Variants in SLIT3 observed in about 807,000 individuals in gnomAD.
SLIT3 encodes the protein slit homolog 3 protein.
In SLIT3, 68 loss-of-function variants were observed where a neutral mutation model predicts 184.0. The ratio of observed to expected loss-of-function variants is 0.37; its 90% CI spans 0.30 to 0.45. The LOEUF (loss-of-function observed/expected upper bound fraction) is 0.45, where lower values mean the gene tolerates loss of function less well. SLIT3 is among the 20% of genes least tolerant of loss of function. SLIT3 has a pLI of 1.00. For missense variants in SLIT3, 1,707 were observed against 2,026.0 expected (o/e 0.84, Z 3.02); for synonymous variants, 831 against 828.6 (o/e 1.00, Z -0.05).
intron 5 of SLIT3, among the ~76,000 whole-genome samples, chr5:168,876,577 C>T (rs565309891): frequency 4.1e-4 from 62 of 152,332 alleles, no homozygotes; most frequent in African/African-American, 1.4e-3. Context: ...GCTGTTCCTT[C>T]TTCCTGCAAT....
intron 4 of SLIT3, among the ~76,000 whole-genome samples, chr5:169,001,892 T>C (rs192416241): frequency 6.6e-6 from 1 of 152,094 alleles, no homozygotes; most frequent in East Asian, 1.9e-4. Flanking sequence ...ACATACAGAA[T>C]TGCAGGGCAG....
Position 168,772,895 on chromosome 5 carries a change from C to A in SLIT3, c.1345G>T (p.Ala449Ser). The A allele has an allele frequency of 3.1e-6, 5 of 1,613,128 alleles. No homozygotes were observed. Among genetic ancestry groups the A allele is most frequent in the Non-Finnish European group, 4.2e-6 (5 of 1,179,532 alleles). Reference protein sequence around the residue: ...FVCDCHLKWLADYLQDNPIET... With the variant: ...FVCDCHLKWLSDYLQDNPIET... ...ATGGGGTTGTCCTGGAGGTAGTCGG[C>A]CAGCCACTTCAAGTGGCAGTCGCAC... Residue 449 changes from alanine to serine, a missense_variant, in exon 14 of 36, where the codon GCC becomes TCC. Coordinates refer to ENST00000519560, the MANE Select transcript of SLIT3 (RefSeq NM_003062.4).
rs761346841 is a variant in SLIT3 at position 168,712,259 on chromosome 5, T to C, written c.2555+24A>G. 9.4e-6 allele frequency: 15 copies of C among 1,598,118 alleles called. No homozygotes were observed. In the Middle Eastern group the frequency reaches 1.0e-3, roughly 106 times the overall value. On this transcript the variant is annotated intron_variant, in intron 24 of 35. Coordinates refer to ENST00000519560, the MANE Select transcript of SLIT3 (RefSeq NM_003062.4). ...CATGCTTTCATGTTTTGAATGTTCATTGGGGAGAAACACTGCTACTTACAG... is the reference window on the plus strand; with the variant it reads ...CATGCTTTCATGTTTTGAATGTTCACTGGGGAGAAACACTGCTACTTACAG...
At chr5:168,760,775 G>A (rs1004266580) in intron 16 of SLIT3, 87 bp downstream of exon 16, 14 of 960,990 alleles carry the variant, frequency 1.5e-5, no homozygotes, top group African/African-American at 4.8e-5. Context: ...GGCTGGGGGA[G>A]AGGCCGGTCC....
chr5:169,177,220 G>A (rs1457157554), intron 4 of SLIT3, among the ~76,000 whole-genome samples: 2 of 152,190 alleles, frequency 1.3e-5, no homozygotes, highest in Admixed American at 1.3e-4. Flanking sequence ...CAGACGGCCA[G>A]GAGCCAGAAG....
rs1178983400 is a variant in SLIT3, at chr5:168,708,183, C to A, written c.2720-83G>T. 2.5e-6 allele frequency: 4 copies of A among 1,592,720 alleles called. No homozygotes were observed. The African/African-American group carries it at 5.4e-5, about 21-fold the overall frequency. On this transcript the variant is annotated intron_variant, in intron 25 of 35. Coordinates refer to ENST00000519560, the MANE Select transcript of SLIT3 (RefSeq NM_003062.4). The stretch of plus-strand genomic sequence containing the variant: ...TCCCTTCCCCTCTGCTCTGGGCCCT[C>A]CCTCAGCCAGCGCCAGCCCCTTCCC...
chr5:168,821,401 G>C (rs969037443), intron 7 of SLIT3, among the ~76,000 whole-genome samples: 2 of 152,216 alleles, frequency 1.3e-5, no homozygotes, highest in Admixed American at 6.5e-5. Context: ...CAACCCACAT[G>C]TCTGGGGTAA....
At chr5:169,175,930 A>G (rs1762969437) in intron 4 of SLIT3, among the ~76,000 whole-genome samples, 1 of 152,228 alleles carries the variant, frequency 6.6e-6, no homozygotes, top group Non-Finnish European at 1.5e-5. Context: ...TAAGGAAGCC[A>G]TATGGACCTT....
Position 169,015,962 on chromosome 5 carries a change from A to C in SLIT3, c.414-132626T>G, listed in dbSNP as rs1201834840. Reference sequence around the variant, plus strand: ...CACACACACACACACACACACACACACACACACACACACACACACACACAA... The same window carrying C: ...CACACACACACACACACACACACACCCACACACACACACACACACACACAA... On this transcript the variant is annotated intron_variant, in intron 4 of 35. Coordinates refer to ENST00000519560, the MANE Select transcript of SLIT3 (RefSeq NM_003062.4). 1.3e-4 allele frequency among the ~76,000 whole-genome samples: 18 copies of C among 140,010 alleles called. No individual in the cohort carries two copies. In the East Asian group the frequency reaches 1.4e-3, roughly 11 times the overall value. 91.9% of individuals were successfully genotyped at this position (140,010 alleles called of 152,430 possible).
chr5:168,952,528 CA>C lies in SLIT3; in HGVS notation c.414-69193del, dbSNP rs372134778. ...AATCTCAGAGAAGAAGGGAAAATGC[CA>C]AAAAAAAAAAAAAAAAAAAGAGGGG... On this transcript the variant is annotated intron_variant, in intron 4 of 35. Coordinates refer to ENST00000519560, the MANE Select transcript of SLIT3 (RefSeq NM_003062.4). Among the ~76,000 whole-genome samples the C allele has an allele frequency of 9.2e-3, 720 of 77,894 alleles. 6 individuals are homozygous for C. The highest frequency in any genetic ancestry group is 0.034 in the South Asian group (74 of 2,164). 51.1% of individuals were successfully genotyped at this position (77,894 alleles called of 152,430 possible).
intron 4 of SLIT3, among the ~76,000 whole-genome samples, chr5:169,070,850 A>C (rs947084578): frequency 6.6e-6 from 1 of 152,112 alleles, no homozygotes; most frequent in Non-Finnish European, 1.5e-5. Flanking sequence ...CAAAAGCCTG[A>C]AGCCCTAACT....
chr5:169,150,532 C>CAA (rs1762080466), intron 4 of SLIT3, among the ~76,000 whole-genome samples: 1 of 151,584 alleles, frequency 6.6e-6, no homozygotes, highest in African/African-American at 2.4e-5. Context: ...CACACACACA[C>CAA]ACACACACAC....
chr5:169,261,756 G>C (rs922523928), intron 1 of SLIT3, among the ~76,000 whole-genome samples: 1 of 152,214 alleles, frequency 6.6e-6, no homozygotes, highest in Non-Finnish European at 1.5e-5. Flanking sequence ...CTCTCCTTGA[G>C]TGGGCAGAAC....
At chr5:168,884,054 C>T (rs1243805880) in intron 4 of SLIT3, among the ~76,000 whole-genome samples, 1 of 151,670 alleles carries the variant, frequency 6.6e-6, no homozygotes, top group Admixed American at 6.6e-5. Context: ...TGTCCCCAGA[C>T]TGTAAGCATT....
At chr5:168,973,060 A>G (rs953109129) in intron 4 of SLIT3, among the ~76,000 whole-genome samples, 1 of 152,164 alleles carries the variant, frequency 6.6e-6, no homozygotes, top group Non-Finnish European at 1.5e-5. Context: ...TCAGTATGTT[A>G]AGCTCCAGCT....
At chr5:169,163,428 C>A (rs1304158770) in intron 4 of SLIT3, among the ~76,000 whole-genome samples, 2 of 152,164 alleles carry the variant, frequency 1.3e-5, no homozygotes, top group African/African-American at 4.8e-5. Context: ...ACTGGGAAAT[C>A]CAAGTTGCAC....
At chr5:169,179,431 T>C (rs981521534) in intron 4 of SLIT3, among the ~76,000 whole-genome samples, 1 of 152,196 alleles carries the variant, frequency 6.6e-6, no homozygotes, top group Non-Finnish European at 1.5e-5. Flanking sequence ...GGCCTAGAGA[T>C]GAAGCCAACA....
At chr5:168,799,991 G>T (rs1393328156) in intron 9 of SLIT3, among the ~76,000 whole-genome samples, 1 of 152,060 alleles carries the variant, frequency 6.6e-6, no homozygotes, top group Non-Finnish European at 1.5e-5. Context: ...AGCCACTTTT[G>T]TGGTTTCTTA....
At chr5:168,852,546 C>T (rs921336363) in intron 5 of SLIT3, among the ~76,000 whole-genome samples, 1 of 152,252 alleles carries the variant, frequency 6.6e-6, no homozygotes, top group Non-Finnish European at 1.5e-5. Flanking sequence ...CAAATCGGCA[C>T]ATCCTGGGGA....
Sources: gnomAD v4.1 joint callset for allele counts (sites outside exome capture counted in the v4.1 genomes callset) on GRCh38, gnomAD v4.1.1 for gene constraint, MANE v1.5 for transcripts, NCBI Gene and HGNC (gene_info 2026-07-23, HGNC 2026-07-21) for gene names.